RALGAPB: variants seen among roughly 807,000 people sequenced by gnomAD.
The protein encoded by RALGAPB is ral GTPase-activating protein subunit beta.
A neutral mutation model predicts 161.1 loss-of-function variants in RALGAPB; 25 were observed. The observed-to-expected ratio is 0.16, with a 90% CI of 0.11 to 0.22. The LOEUF (loss-of-function observed/expected upper bound fraction) is 0.22. Ranked by LOEUF, RALGAPB falls within the 10% of genes least tolerant of loss-of-function variation. The probability of loss-of-function intolerance (pLI) is 1.00; values close to 1 mark genes in which losing one functional copy is unlikely to be tolerated. For synonymous variants in RALGAPB, 629 were observed against 626.1 expected, an observed-to-expected ratio of 1.00 and a Z score of -0.07; for missense variants, 1,391 against 1,815.2, an observed-to-expected ratio of 0.77 and a Z score of 4.25.
chr20:38,474,281 CCTTTT>C (rs1294885315), intron 1 of RALGAPB, among the ~76,000 whole-genome samples: 1 of 151,932 alleles, frequency 6.6e-6, no homozygotes, highest in African/African-American at 2.4e-5. Context: ...ATATACACAC[CCTTTT>C]CTTTTCTTTC....
Position 38,535,065 on chromosome 20 carries a change from A to G in RALGAPB, c.2246-9A>G, listed in dbSNP as rs1197931469. The G allele has an allele frequency of 3.7e-6, 6 of 1,613,288 alleles. No homozygotes were observed. In the East Asian group the frequency reaches 6.7e-5, roughly 18 times the overall value. ...CCCTGTGGGATGTGGCATTGGGGTT[A>G]TATCCTAGCTCTTAATACAGATTCA... On this transcript the variant is annotated splice_polypyrimidine_tract_variant and intron_variant, in intron 15 of 29. Transcript: ENST00000262879.
chr20:38,540,920 A>G, intron 17 of RALGAPB, 121 bp from the exon 18 acceptor site: 2 of 1,029,558 alleles, frequency 1.9e-6, no homozygotes, highest in South Asian at 3.6e-5. Flanking sequence ...CATTAAAGAA[A>G]TTACCAAGAA....
At chr20:38,520,265 T>C in intron 9 of RALGAPB, 2 of 877,668 alleles carry the variant, frequency 2.3e-6, no homozygotes, top group Non-Finnish European at 2.7e-6. Context: ...TTCTTCTTTC[T>C]TATAAATCTT....
At position 38,488,574 on chromosome 20, in the gene RALGAPB, C is replaced by T; in HGVS notation, c.142C>T (p.Pro48Ser). The stretch of plus-strand genomic sequence containing the variant: ...TCCTCTTGGGCAGGTGTTAGGTACC[C>T]CTTCAGTGGCTGGTAGTGAGAATTT... ...VRPLGQVLGT[P>S]SVAGSENLLK... The change falls in exon 2 of 30, where the codon CCT becomes TCT. Residue 48 changes from proline to serine, a missense_variant. Coordinates refer to ENST00000262879, the MANE Select transcript of RALGAPB (RefSeq NM_020336.4). 1.2e-6 allele frequency: 2 copies of T among 1,613,962 alleles called. No homozygotes were observed. The highest frequency in any genetic ancestry group is 1.7e-6 in the Non-Finnish European group (2 of 1,179,958).
At chr20:38,542,715 A>G (rs1280671562) in intron 18 of RALGAPB, among the ~76,000 whole-genome samples, 3 of 152,068 alleles carry the variant, frequency 2.0e-5, no homozygotes, top group Non-Finnish European at 4.4e-5. Context: ...CCTCTACTAA[A>G]AATACAAAAA....
At chr20:38,561,437 C>T (rs1239882162) in intron 23 of RALGAPB, among the ~76,000 whole-genome samples, 1 of 152,178 alleles carries the variant, frequency 6.6e-6, no homozygotes, top group Non-Finnish European at 1.5e-5. Context: ...TTTCACAGGC[C>T]TCTGTATGAT....
intron 20 of RALGAPB, among the ~76,000 whole-genome samples, chr20:38,550,260 A>T (rs553107161): frequency 2.1e-4 from 32 of 152,342 alleles, no homozygotes; most frequent in African/African-American, 7.2e-4. Flanking sequence ...TAACCTGCAC[A>T]TTATGCACAT....
At chr20:38,513,642 G>T (rs1274257967) in intron 6 of RALGAPB, among the ~76,000 whole-genome samples, 1 of 141,518 alleles carries the variant, frequency 7.1e-6, no homozygotes, top group Non-Finnish European at 1.5e-5. Flanking sequence ...GAGCAAGACT[G>T]TCTCAAAAAA....
At chr20:38,554,200 C>A (rs1424205527) in intron 22 of RALGAPB, 124 bp downstream of exon 22, 12 of 891,208 alleles carry the variant, frequency 1.3e-5, no homozygotes, top group Non-Finnish European at 1.3e-5. Flanking sequence ...AAAATTTTAG[C>A]CTGCATACAA....
At position 38,488,441 on chromosome 20, in the gene RALGAPB, T is replaced by C; in HGVS notation, c.9T>C (p.Ser3=). 1 of 1,613,044 alleles carries C rather than the reference T, an allele frequency of 6.2e-7. No individual in the cohort carries two copies. ...TGTACTTTAGTGGCACGATGTACTC[T>C]GAGTGGAGGTCACTGCATTTGGTGA... The part of the protein sequence containing the change: MY[S]EWRSLHLVIQ... The change falls in exon 2 of 30, where the codon TCT becomes TCC. Residue 3 remains serine, a synonymous_variant. Coordinates refer to ENST00000262879, the MANE Select transcript of RALGAPB (RefSeq NM_020336.4).
chr20:38,558,318 T>G lies in RALGAPB; in HGVS notation c.3396T>G (p.Pro1132=). Residue 1132 remains proline (P), a synonymous_variant, in exon 23 of 30, where the codon CCT becomes CCG. Transcript: ENST00000262879. The part of the protein sequence containing the change: ...ALKEPANSRL[P]PHLIALDSTI... The stretch of plus-strand genomic sequence containing the variant: ...AGGAACCTGCAAATAGTCGTCTACC[T>G]CCTCACCTTATTGCACTTGATTCCA... The G allele has an allele frequency of 6.3e-7, 1 of 1,577,140 alleles. No homozygotes were observed. The highest frequency in any genetic ancestry group is 8.6e-7 in the Non-Finnish European group (1 of 1,160,068).
At position 38,541,121 on chromosome 20, in the gene RALGAPB, G is replaced by A. The variant is rs756389834; in HGVS notation, c.2643G>A (p.Lys881=). 12 of 1,613,980 alleles carry A rather than the reference G, an allele frequency of 7.4e-6. No individual in the cohort carries two copies. The South Asian group carries it at 8.8e-5, about 12-fold the overall frequency. The change falls in exon 18 of 30, where the codon AAG becomes AAA. Residue 881 remains lysine (K), a synonymous_variant. Coordinates refer to ENST00000262879, the MANE Select transcript of RALGAPB (RefSeq NM_020336.4). ...SKSKNNEQEV[K]YKGDKEPNPA... is the part of the protein sequence containing the mutation. Reference sequence around the variant, plus strand: ...CCAAGAACAATGAGCAAGAGGTCAAGTACAAAGGAGATAAGGAGCCAAACC... The same window carrying A: ...CCAAGAACAATGAGCAAGAGGTCAAATACAAAGGAGATAAGGAGCCAAACC...
intron 1 of RALGAPB, among the ~76,000 whole-genome samples, chr20:38,487,833 G>A (rs552959550): frequency 6.6e-6 from 1 of 152,300 alleles, no homozygotes; most frequent in African/African-American, 2.4e-5. Context: ...TTGGGAGGCT[G>A]AGGCGGGTGG....
At position 38,497,506 on chromosome 20, in the gene RALGAPB, A is replaced by G. The variant is rs763134345; in HGVS notation, c.543A>G (p.Pro181=). 2.1e-5 allele frequency: 33 copies of G among 1,607,654 alleles called. No individual in the cohort carries two copies. In the South Asian group the frequency reaches 3.5e-4, roughly 17 times the overall value. Residue 181 remains proline (P), a synonymous_variant, in exon 4 of 30, where the codon CCA becomes CCG. Coordinates refer to ENST00000262879, the MANE Select transcript of RALGAPB (RefSeq NM_020336.4). ...TTAACGACATACTTCTGGCCCCACC[A>G]ACTGTTCAAGGTTTGTTTATTTTTT... ...LQINDILLAP[P]TVQGGIAENL...
intron 5 of RALGAPB, among the ~76,000 whole-genome samples, chr20:38,505,352 A>G (rs2085730668): frequency 1.3e-5 from 2 of 152,244 alleles, no homozygotes; most frequent in African/African-American, 4.8e-5. Context: ...ACATGTTCTT[A>G]CTTATAAGTG....
Position 38,562,573 on chromosome 20 carries a change from T to A in RALGAPB, c.3573T>A (p.His1191Gln), listed in dbSNP as rs1300977054. 2.5e-5 allele frequency: 41 copies of A among 1,613,370 alleles called. No homozygotes were observed. The highest frequency in any genetic ancestry group is 3.4e-5 in the Non-Finnish European group (40 of 1,179,466). Residue 1191 changes from histidine to glutamine, a missense_variant, in exon 24 of 30, where the codon CAT (histidine) becomes CAA (glutamine). By Grantham distance (24) the His-to-Gln change is conservative. Coordinates refer to ENST00000262879, the MANE Select transcript of RALGAPB (RefSeq NM_020336.4). ...NVESSRTVQP[H>Q]FLEFLLSLGW... ...AGTCTTCCAGAACTGTTCAGCCACA[T>A]TTCCTAGAATTTTTGCTTTCCCTTG...
chr20:38,539,689 A>G (rs1270095415), intron 16 of RALGAPB, 87 bp from the exon 17 acceptor site: 22 of 1,296,910 alleles, frequency 1.7e-5, no homozygotes, highest in Non-Finnish European at 2.4e-5. Flanking sequence ...GACATTGTCA[A>G]ATAGGTCAAG....
chr20:38,525,072 T>C (rs1161187979), intron 11 of RALGAPB, 127 bp downstream of exon 11: 8 of 933,826 alleles, frequency 8.6e-6, no homozygotes, highest in Non-Finnish European at 1.2e-5. Flanking sequence ...CAGGCGACAT[T>C]AAATGAGTGT....
At chr20:38,534,352 C>CT (rs2086743143) in intron 15 of RALGAPB, 2 of 152,442 alleles carry the variant, frequency 1.3e-5, no homozygotes, top group African/African-American at 4.8e-5. Context: ...ATGATCATTC[C>CT]TTTTTCTGTT....
Sources: allele counts gnomAD v4.1 joint callset (sites outside exome capture counted in the v4.1 genomes callset), GRCh38; gene constraint gnomAD v4.1.1; transcripts MANE v1.5; gene names NCBI Gene and HGNC (gene_info 2026-07-23, HGNC 2026-07-21).